TBCD: variants seen among roughly 807,000 people sequenced by gnomAD.
The protein encoded by TBCD is tubulin folding cofactor D.
TBCD carries 105 observed loss-of-function variants against 169.3 expected under a neutral mutation model. The ratio of observed to expected loss-of-function variants is 0.62; its 90% CI spans 0.53 to 0.73. TBCD has a LOEUF of 0.73. Among genes scored for constraint, TBCD ranks in the 30% least tolerant of loss-of-function variants. The probability of loss-of-function intolerance (pLI) is 0.00; values close to 1 mark genes in which losing one functional copy is unlikely to be tolerated. For missense variants in TBCD, 1,444 were observed against 1,600.1 expected (o/e 0.90, Z 1.66); for synonymous variants, 700 against 643.9 (o/e 1.09, Z -1.32).
chr17:82,909,210 T>C, intron 21 of TBCD, 75 bp from the exon 22 acceptor site: 1 of 1,219,380 alleles, frequency 8.2e-7, no homozygotes, highest in Non-Finnish European at 1.2e-6. Flanking sequence ...TTGTTCTTGT[T>C]TTTGACAGTT....
chr17:82,850,263 T>TGTTGTTGGCTG lies in TBCD; in HGVS notation c.1319-19961_1319-19960insGTTGTTGGCTG, dbSNP rs2055639691. Among the ~76,000 whole-genome samples the TGTTGTTGGCTG allele has an allele frequency of 1.3e-3, 54 of 41,304 alleles. 2 individuals carry two copies. Among genetic ancestry groups the TGTTGTTGGCTG allele is most frequent in the African/African-American group, 4.5e-3 (48 of 10,670 alleles). The allele number at this position is 41,304 out of a possible 152,430, so 27.1% of individuals were successfully genotyped here. On this transcript the variant is annotated intron_variant, in intron 13 of 38. Transcript: ENST00000355528. ...GTTGGCTGTGCTGTTGTTGGCTGTGTTGTTGTTGGCTGTGCTGCTGTTGGC... is the reference window on the plus strand; with the variant it reads ...GTTGGCTGTGCTGTTGTTGGCTGTGTGTTGTTGGCTGTGTTGTTGGCTGTGCTGCTGTTGGC...
intron 14 of TBCD, among the ~76,000 whole-genome samples, chr17:82,878,936 C>T (rs2058161520): frequency 6.6e-6 from 1 of 152,078 alleles, no homozygotes; most frequent in Non-Finnish European, 1.5e-5. Flanking sequence ...TCATCTAACA[C>T]TATTGTTACT....
intron 22 of TBCD, among the ~76,000 whole-genome samples, chr17:82,910,396 C>T (rs561695625): frequency 6.6e-5 from 10 of 152,284 alleles, no homozygotes; most frequent in Admixed American, 3.3e-4. Flanking sequence ...CTGGGTCTTT[C>T]GTGAAGTTTT....
intron 3 of TBCD, among the ~76,000 whole-genome samples, chr17:82,765,476 A>C (rs1212367870): frequency 1.3e-5 from 2 of 151,948 alleles, no homozygotes; most frequent in Non-Finnish European, 2.9e-5. Context: ...CACTGTTGGC[A>C]GTTTTGACTA....
chr17:82,807,459 A>G (rs762054279), intron 10 of TBCD, 149 bp from the exon 11 acceptor site: 1 of 461,608 alleles, frequency 2.2e-6, no homozygotes, highest in Admixed American at 4.4e-5. Flanking sequence ...AGGGAAGGAA[A>G]TGTTCTTTTC....
At chr17:82,843,974 T>G (rs1168353946) in intron 13 of TBCD, among the ~76,000 whole-genome samples, 4 of 152,124 alleles carry the variant, frequency 2.6e-5, no homozygotes, top group African/African-American at 9.7e-5. Context: ...GTTTCTCACC[T>G]GCAGGTTCTT....
chr17:82,938,005 G>A lies in TBCD; in HGVS notation c.3282-44G>A, dbSNP rs80298043. On this transcript the variant is annotated intron_variant, in intron 35 of 38. Coordinates refer to ENST00000355528, the MANE Select transcript of TBCD (RefSeq NM_005993.5). Reference sequence around the variant, plus strand: ...GTCCGGGGTTTGCTGGGGTTGGCCTGCGCGGGGTGGGGCTCACCTGGAGCC... The same window carrying A: ...GTCCGGGGTTTGCTGGGGTTGGCCTACGCGGGGTGGGGCTCACCTGGAGCC... 4.2e-3 allele frequency: 6,705 copies of A among 1,607,818 alleles called. 271 individuals carry two copies. The African/African-American group carries it at 0.078, about 19-fold the overall frequency.
At position 82,890,782 on chromosome 17, in the gene TBCD, C is replaced by T. The variant is rs2059078395; in HGVS notation, c.1563+1085C>T. Among the ~76,000 whole-genome samples the T allele has an allele frequency of 6.6e-6, 1 of 152,186 alleles. No homozygotes were observed. Among genetic ancestry groups the T allele is most frequent in the Non-Finnish European group, 1.5e-5 (1 of 68,016 alleles). On this transcript the variant is annotated intron_variant, in intron 16 of 38. Transcript: ENST00000355528. This position sits in a 1 kb window ranked among gnomAD's most constrained non-coding sequence, Gnocchi z 5.3. The stretch of plus-strand genomic sequence containing the variant: ...CTGAGCCCTGGTCGGAGCCAGTTCA[C>T]TAGGAAGAGACACCAGCCTTGCAAG...
intron 13 of TBCD, among the ~76,000 whole-genome samples, chr17:82,866,593 G>A (rs1290275459): frequency 6.6e-6 from 1 of 152,254 alleles, no homozygotes; most frequent in Non-Finnish European, 1.5e-5. Flanking sequence ...TGAGCAGCAG[G>A]AGGGCAGGAG....
At position 82,879,944 on chromosome 17, in the gene TBCD, G is replaced by A. The variant is rs1351221871; in HGVS notation, c.1476-4201G>A. On this transcript the variant is annotated intron_variant, in intron 14 of 38. Coordinates refer to ENST00000355528, the MANE Select transcript of TBCD (RefSeq NM_005993.5). ...GGACCTGGCGGTCACAGGCCTACCTGTCTCCTTGGGTGTCTCCAGTCCTTT... is the reference window on the plus strand; with the variant it reads ...GGACCTGGCGGTCACAGGCCTACCTATCTCCTTGGGTGTCTCCAGTCCTTT... Among the ~76,000 whole-genome samples the A allele has an allele frequency of 2.0e-5, 3 of 151,762 alleles. No homozygotes were observed. The South Asian group carries it at 6.3e-4, about 32-fold the overall frequency.
At chr17:82,771,199 G>C (rs895817852) in intron 5 of TBCD, among the ~76,000 whole-genome samples, 3 of 151,850 alleles carry the variant, frequency 2.0e-5, no homozygotes, top group African/African-American at 7.3e-5. Context: ...CTAGCTGGGC[G>C]TGGAGGTTTC....
At chr17:82,854,602 A>G (rs2056095457) in intron 13 of TBCD, among the ~76,000 whole-genome samples, 1 of 152,232 alleles carries the variant, frequency 6.6e-6, no homozygotes, top group Non-Finnish European at 1.5e-5. Context: ...GGTTACTTGT[A>G]TGGGTAACAG....
chr17:82,921,189 C>T (rs1289770384), intron 24 of TBCD: 8 of 438,432 alleles, frequency 1.8e-5, no homozygotes, highest in Non-Finnish European at 3.3e-5. Flanking sequence ...TTGGTGGGAG[C>T]CGGGGGAGAC....
chr17:82,942,381 G>A, intron 38 of TBCD, 68 bp from the exon 39 acceptor site: 9 of 1,608,308 alleles, frequency 5.6e-6, no homozygotes, highest in Non-Finnish European at 7.7e-6. Context: ...AGAGGGGTGA[G>A]GGTCCCCTGG....
intron 14 of TBCD, among the ~76,000 whole-genome samples, chr17:82,876,477 C>T (rs1343148019): frequency 6.6e-6 from 1 of 152,120 alleles, no homozygotes; most frequent in African/African-American, 2.4e-5. Flanking sequence ...GTTGGGTGTC[C>T]TGTTGGAGTA....
chr17:82,774,689 G>A (rs1349953289), intron 6 of TBCD, among the ~76,000 whole-genome samples: 3 of 152,176 alleles, frequency 2.0e-5, no homozygotes, highest in Non-Finnish European at 1.5e-5. Flanking sequence ...CCCCCCACCC[G>A]AGTGTGTCTA....
chr17:82,879,652 G>A (rs1007330606), intron 14 of TBCD, among the ~76,000 whole-genome samples: 45 of 152,186 alleles, frequency 3.0e-4, no homozygotes, highest in African/African-American at 1.0e-3. Flanking sequence ...TGTGATTGTT[G>A]CTTCTTCAAT....
chr17:82,852,452 G>A (rs1259507993), intron 13 of TBCD, among the ~76,000 whole-genome samples: 1 of 152,136 alleles, frequency 6.6e-6, no homozygotes, highest in Non-Finnish European at 1.5e-5. Flanking sequence ...GGTGTCCAAG[G>A]TCGAGGTGCC....
intron 32 of TBCD, chr17:82,929,725 G>A (rs761020402): frequency 4.5e-5 from 30 of 661,002 alleles, no homozygotes; most frequent in Middle Eastern, 6.3e-4. Context: ...CAGGGCCAGC[G>A]CCACTCTCTT....
Sources: gnomAD v4.1 joint callset for allele counts (sites outside exome capture counted in the v4.1 genomes callset) on GRCh38, gnomAD v4.1.1 for gene constraint, Gnocchi (gnomAD v3.1) non-coding constraint, MANE v1.5 for transcripts, NCBI Gene and HGNC (gene_info 2026-07-23, HGNC 2026-07-21) for gene names.